The following CSMD1 variants were observed in gnomAD, a reference collection of about 807,000 sequenced individuals.
CSMD1 encodes the protein CUB and Sushi multiple domains 1.
CSMD1 carries 213 observed loss-of-function variants against 417.5 expected under a neutral mutation model. The observed-to-expected ratio is 0.51, with a 90% CI of 0.46 to 0.57. CSMD1 has a LOEUF of 0.57. CSMD1 is among the 20% of genes least tolerant of loss of function. The pLI, the probability that CSMD1 is intolerant of heterozygous loss-of-function variation, is 0.00. For missense variants in CSMD1, 6,923 were observed against 4,529.7 expected (o/e 1.53, Z -15.17); for synonymous variants, 2,862 against 1,736.8 (o/e 1.65, Z -16.11).
intron 3 of CSMD1, among the ~76,000 whole-genome samples, chr8:4,208,409 T>C (rs946775216): frequency 2.0e-5 from 3 of 152,204 alleles, no homozygotes; most frequent in African/African-American, 7.2e-5. Context: ...ATAATTACCA[T>C]GTTATGAAAA....
At chr8:3,291,458 G>T (rs539913681) in intron 25 of CSMD1, among the ~76,000 whole-genome samples, 5 of 152,060 alleles carry the variant, frequency 3.3e-5, no homozygotes, top group East Asian at 3.9e-4. Flanking sequence ...TCTGGTCCTC[G>T]ACTTTTTTTG....
chr8:3,747,356 G>A (rs1563335920), intron 6 of CSMD1, among the ~76,000 whole-genome samples: 1 of 150,724 alleles, frequency 6.6e-6, no homozygotes, highest in Non-Finnish European at 1.5e-5. Context: ...TTCTTTGGAA[G>A]AGATTGTTCT....
At chr8:3,180,128 G>C (rs1452057418) in intron 37 of CSMD1, among the ~76,000 whole-genome samples, 1 of 152,182 alleles carries the variant, frequency 6.6e-6, no homozygotes, top group East Asian at 1.9e-4. Flanking sequence ...TTTAGTGCTT[G>C]AAAACAGGTC....
At chr8:4,253,609 T>G (rs1307388753) in intron 3 of CSMD1, among the ~76,000 whole-genome samples, 1 of 152,154 alleles carries the variant, frequency 6.6e-6, no homozygotes, top group Non-Finnish European at 1.5e-5. Flanking sequence ...AAAGTATCTG[T>G]CAAGTAAAAG....
chr8:4,360,922 G>A (rs981566681), intron 3 of CSMD1, among the ~76,000 whole-genome samples: 2 of 152,144 alleles, frequency 1.3e-5, no homozygotes, highest in African/African-American at 4.8e-5. Flanking sequence ...TCTGATAGCA[G>A]GTGAATTTCT....
chr8:3,549,117 C>A (rs1221869529), intron 10 of CSMD1, among the ~76,000 whole-genome samples: 1 of 152,216 alleles, frequency 6.6e-6, no homozygotes, highest in Admixed American at 6.5e-5. Flanking sequence ...CATGCAGATG[C>A]CCGCTTCCAT....
At chr8:3,977,003 G>C (rs575009082) in intron 5 of CSMD1, among the ~76,000 whole-genome samples, 1 of 152,302 alleles carries the variant, frequency 6.6e-6, no homozygotes, top group South Asian at 2.1e-4. Flanking sequence ...GTGGGTGGGG[G>C]CGTGAAGGTG....
At chr8:4,147,043 G>A (rs969590630) in intron 3 of CSMD1, among the ~76,000 whole-genome samples, 21 of 151,904 alleles carry the variant, frequency 1.4e-4, no homozygotes, top group Admixed American at 1.1e-3. Context: ...GGTTTTCTGG[G>A]CTTTTCCTTC....
intron 10 of CSMD1, among the ~76,000 whole-genome samples, chr8:3,558,870 G>A (rs929973017): frequency 2.0e-5 from 3 of 152,010 alleles, no homozygotes; most frequent in African/African-American, 7.2e-5. Context: ...ATGTTCACCT[G>A]CCGCCCTGTA....
At chr8:4,910,559 C>T (rs565939191) in intron 1 of CSMD1, among the ~76,000 whole-genome samples, 11 of 152,198 alleles carry the variant, frequency 7.2e-5, no homozygotes, top group Middle Eastern at 3.4e-3. Flanking sequence ...TTTTTATAGA[C>T]GCTAATTCCA....
chr8:3,273,194 T>C (rs1802001973), intron 26 of CSMD1, among the ~76,000 whole-genome samples: 1 of 150,920 alleles, frequency 6.6e-6, no homozygotes, highest in Non-Finnish European at 1.5e-5. Flanking sequence ...GATAATCATG[T>C]GGTTTTTGTC....
At chr8:3,789,371 G>GTT (rs796831363) in intron 5 of CSMD1, among the ~76,000 whole-genome samples, 1 of 107,392 alleles carries the variant, frequency 9.3e-6, no homozygotes, top group African/African-American at 3.6e-5. Flanking sequence ...TATTGCTAGT[G>GTT]TTTTTTTTTT....
At chr8:4,106,111 G>T (rs1801554689) in intron 3 of CSMD1, among the ~76,000 whole-genome samples, 1 of 152,180 alleles carries the variant, frequency 6.6e-6, no homozygotes, top group African/African-American at 2.4e-5. Flanking sequence ...AACCCTTGTG[G>T]GTGGAGGGAA....
intron 10 of CSMD1, among the ~76,000 whole-genome samples, chr8:3,536,667 G>A (rs746185781): frequency 2.0e-5 from 3 of 152,188 alleles, no homozygotes; most frequent in Admixed American, 6.5e-5. Flanking sequence ...GTGGTCAGAA[G>A]TGTAGGCACA....
intron 5 of CSMD1, among the ~76,000 whole-genome samples, chr8:3,872,040 T>C (rs922418580): frequency 6.6e-6 from 1 of 152,236 alleles, no homozygotes; most frequent in Non-Finnish European, 1.5e-5. Flanking sequence ...TTATTTTGGA[T>C]ACATTATATT....
Position 3,451,673 on chromosome 8 carries a change from A to G in CSMD1, c.1561+17039T>C, listed in dbSNP as rs144745664. Among the ~76,000 whole-genome samples, 1,049 of 152,138 alleles carry G rather than the reference A, an allele frequency of 6.9e-3. 8 individuals are homozygous for G. The highest frequency in any genetic ancestry group is 0.023 in the African/African-American group (954 of 41,476). ...GGGCTCTGTTCTGTTCCATTGGTCTATATCTCTGTTTTGGAACCAGTACCA... is the reference window on the plus strand; with the variant it reads ...GGGCTCTGTTCTGTTCCATTGGTCTGTATCTCTGTTTTGGAACCAGTACCA... On this transcript the variant is annotated intron_variant, in intron 12 of 69. Coordinates refer to ENST00000635120, the MANE Select transcript of CSMD1 (RefSeq NM_033225.6).
intron 3 of CSMD1, among the ~76,000 whole-genome samples, chr8:4,166,456 C>A (rs1460492359): frequency 1.3e-5 from 2 of 152,102 alleles, no homozygotes; most frequent in Non-Finnish European, 2.9e-5. Context: ...ACATTTGCAG[C>A]AACCTGGATG....
chr8:3,567,804 C>T (rs936256163), intron 10 of CSMD1, among the ~76,000 whole-genome samples: 1 of 152,158 alleles, frequency 6.6e-6, no homozygotes, highest in African/African-American at 2.4e-5. Flanking sequence ...TCTTGAACAT[C>T]CTCTGCAGAT....
chr8:3,472,954 C>G (rs1171285098), intron 11 of CSMD1, among the ~76,000 whole-genome samples: 1 of 152,060 alleles, frequency 6.6e-6, no homozygotes, highest in Non-Finnish European at 1.5e-5. Context: ...CATTTCCAAC[C>G]TCTCAGCTGA....
Sources: allele counts gnomAD v4.1 joint callset (sites outside exome capture counted in the v4.1 genomes callset), GRCh38; gene constraint gnomAD v4.1.1; transcripts MANE v1.5; gene names NCBI Gene and HGNC (gene_info 2026-07-23, HGNC 2026-07-21).